DLGAP2: variants seen among roughly 807,000 people sequenced by gnomAD.
The protein encoded by DLGAP2 is DLG associated protein 2.
Under a neutral mutation model 100.3 loss-of-function variants are expected in DLGAP2, and 26 were observed. The ratio of observed to expected loss-of-function variants is 0.26; its 90% CI spans 0.19 to 0.36. DLGAP2 has a LOEUF of 0.36. Among genes scored for constraint, DLGAP2 ranks in the 10% least tolerant of loss-of-function variants. The pLI is 1.00. For missense variants in DLGAP2, 1,858 were observed against 1,453.2 expected (o/e 1.28, Z -4.53); for synonymous variants, 886 against 630.1 (o/e 1.41, Z -6.08).
intron 2 of DLGAP2, among the ~76,000 whole-genome samples, chr8:1,251,487 G>C (rs1160339961): frequency 6.6e-6 from 1 of 152,214 alleles, no homozygotes; most frequent in Non-Finnish European, 1.5e-5. Context: ...CCCCAGGCTG[G>C]AGTGCACTGG....
chr8:981,678 G>T (rs1251478494), intron 2 of DLGAP2, among the ~76,000 whole-genome samples: 1 of 152,116 alleles, frequency 6.6e-6, no homozygotes, highest in Non-Finnish European at 1.5e-5. Flanking sequence ...AATTAGTGAC[G>T]TTGAGCACCT....
intron 3 of DLGAP2, among the ~76,000 whole-genome samples, chr8:1,387,256 T>C (rs868113487): frequency 2.0e-5 from 3 of 152,256 alleles, no homozygotes; most frequent in Admixed American, 6.5e-5. Context: ...GCTGATTTTC[T>C]TCATAAGGCT....
intron 3 of DLGAP2, among the ~76,000 whole-genome samples, chr8:1,436,727 A>G (rs534336327): frequency 2.6e-5 from 4 of 152,176 alleles, no homozygotes; most frequent in Admixed American, 2.6e-4. Flanking sequence ...CCACTCACCC[A>G]TTCACTCACC....
chr8:1,294,868 C>CA (rs1167753590), intron 3 of DLGAP2, among the ~76,000 whole-genome samples: 7,557 of 128,480 alleles, frequency 0.059, 218 homozygotes, highest in Middle Eastern at 0.15. Context: ...GATCTTGTCT[C>CA]AAAACAAAAA....
At chr8:974,583 G>A (rs1402330408) in intron 2 of DLGAP2, among the ~76,000 whole-genome samples, 4 of 152,132 alleles carry the variant, frequency 2.6e-5, no homozygotes, top group Non-Finnish European at 5.9e-5. Flanking sequence ...CTAGAAATTA[G>A]TAACAGAAAG....
At chr8:1,064,074 G>T (rs901580406) in intron 2 of DLGAP2, among the ~76,000 whole-genome samples, 1 of 152,226 alleles carries the variant, frequency 6.6e-6, no homozygotes, top group Non-Finnish European at 1.5e-5. Flanking sequence ...AGGGCAGAGA[G>T]TTTCACTGGG....
At chr8:1,614,611 C>G (rs536523193) in intron 6 of DLGAP2, among the ~76,000 whole-genome samples, 64 of 152,338 alleles carry the variant, frequency 4.2e-4, no homozygotes, top group African/African-American at 1.5e-3. Context: ...AGGCGGAGCC[C>G]CCTGTGGCAC....
chr8:865,446 C>G (rs569163780), intron 1 of DLGAP2, among the ~76,000 whole-genome samples: 1 of 152,250 alleles, frequency 6.6e-6, no homozygotes, highest in South Asian at 2.1e-4. Context: ...TACTTGCAGC[C>G]TCCTTTCAAG....
At chr8:1,485,141 C>A (rs1021688960) in intron 3 of DLGAP2, among the ~76,000 whole-genome samples, 1 of 152,168 alleles carries the variant, frequency 6.6e-6, no homozygotes, top group African/African-American at 2.4e-5. Context: ...GAAATTGGGA[C>A]GATGTTAATG....
chr8:985,111 T>A (rs1176533253), intron 2 of DLGAP2, among the ~76,000 whole-genome samples: 1 of 152,224 alleles, frequency 6.6e-6, no homozygotes, highest in Non-Finnish European at 1.5e-5. Flanking sequence ...TTGACAGTGA[T>A]CATGCCAGAG....
chr8:1,636,561 T>A (rs1797772120), intron 8 of DLGAP2, among the ~76,000 whole-genome samples: 1 of 152,252 alleles, frequency 6.6e-6, no homozygotes, highest in Non-Finnish European at 1.5e-5. Context: ...CTGACCTTCC[T>A]CAGTTTGAAT....
chr8:1,282,604 C>T (rs1167233343), intron 3 of DLGAP2, among the ~76,000 whole-genome samples: 1 of 124,284 alleles, frequency 8.0e-6, no homozygotes, highest in Non-Finnish European at 1.7e-5. Flanking sequence ...GACCTGAACC[C>T]AGCACGTGAA....
chr8:1,316,365 G>GGT (rs1433576880), intron 3 of DLGAP2, among the ~76,000 whole-genome samples: 2 of 56,116 alleles, frequency 3.6e-5, no homozygotes, highest in African/African-American at 1.5e-4. Flanking sequence ...TCTCTCCAAC[G>GGT]GTGGTCTACA....
intron 3 of DLGAP2, among the ~76,000 whole-genome samples, chr8:1,383,960 A>G (rs2129777730): frequency 6.6e-6 from 1 of 152,256 alleles, no homozygotes; most frequent in Admixed American, 6.5e-5. Context: ...CATGAAGGAG[A>G]CCCACAAATG....
intron 2 of DLGAP2, among the ~76,000 whole-genome samples, chr8:1,233,945 C>G (rs62486944): frequency 6.6e-6 from 1 of 152,022 alleles, no homozygotes. Context: ...CTTAAGGTGT[C>G]CTAGGACGGG....
At chr8:1,574,488 C>T (rs569498161) in intron 6 of DLGAP2, among the ~76,000 whole-genome samples, 2 of 152,252 alleles carry the variant, frequency 1.3e-5, no homozygotes, top group East Asian at 1.9e-4. Flanking sequence ...CATGCTGCCC[C>T]CTGCCCCCGG....
At chr8:1,661,419 C>G (rs1453359023) in intron 8 of DLGAP2, among the ~76,000 whole-genome samples, 1 of 152,194 alleles carries the variant, frequency 6.6e-6, no homozygotes, top group Non-Finnish European at 1.5e-5. Flanking sequence ...GCTTACTGCA[C>G]AGAAAGCCAA....
chr8:1,630,003 C>G (rs1797603250), intron 7 of DLGAP2, among the ~76,000 whole-genome samples: 1 of 152,170 alleles, frequency 6.6e-6, no homozygotes, highest in African/African-American at 2.4e-5. Context: ...AAGGATTCAT[C>G]ATTGGAAACA....
intron 3 of DLGAP2, among the ~76,000 whole-genome samples, chr8:1,447,434 G>A (rs542637544): frequency 0.012 from 1,897 of 152,288 alleles, 44 homozygotes; most frequent in African/African-American, 0.044. Context: ...CAGGGATGAA[G>A]CCCACTTGAT....
Sources: allele counts gnomAD v4.1 joint callset (sites outside exome capture counted in the v4.1 genomes callset), GRCh38; gene constraint gnomAD v4.1.1; transcripts MANE v1.5; gene names NCBI Gene and HGNC (gene_info 2026-07-23, HGNC 2026-07-21).